MAP2K5: variants seen among roughly 807,000 people sequenced by gnomAD.
MAP2K5 encodes the protein dual specificity mitogen-activated protein kinase kinase 5.
A neutral mutation model predicts 83.1 loss-of-function variants in MAP2K5; 49 were observed. The observed-to-expected ratio is 0.59, with a 90% CI of 0.47 to 0.75. The LOEUF (loss-of-function observed/expected upper bound fraction) is 0.75. MAP2K5 is among the 30% of genes least tolerant of loss of function. The pLI is 0.00. For synonymous variants in MAP2K5, 202 were observed against 191.8 expected, an observed-to-expected ratio of 1.05 and a Z score of -0.44; for missense variants, 457 against 557.5, an observed-to-expected ratio of 0.82 and a Z score of 1.82.
Position 67,806,923 on chromosome 15 carries a change from C to T in MAP2K5, c.*173C>T, listed in dbSNP as rs766616007. On this transcript the variant is annotated 3_prime_UTR_variant, in exon 22 of 22. Transcript: ENST00000178640. ...TTGCCTGGGGAGCCCCATGTGTGGCCCACCCCACCAGGCCATCCCCATACC... is the reference window on the plus strand; with the variant it reads ...TTGCCTGGGGAGCCCCATGTGTGGCTCACCCCACCAGGCCATCCCCATACC... 1.9e-6 allele frequency: 3 copies of T among 1,587,062 alleles called. No individual in the cohort carries two copies. Among genetic ancestry groups the T allele is most frequent in the Admixed American group, 1.7e-5 (1 of 58,934 alleles).
In MAP2K5 at chr15:67,572,150, C is replaced by T. The variant is rs146061242; in HGVS notation, c.253-8604C>T. Among the ~76,000 whole-genome samples the T allele has an allele frequency of 2.6e-5, 4 of 152,034 alleles. No individual in the cohort carries two copies. The highest frequency in any genetic ancestry group is 2.0e-4 in the Admixed American group (3 of 15,260). ...GGTGGAGTAAGTTAGGACAAGGGGACTAGGAAGGATGTTTGGGGCAGAAAG... is the reference window on the plus strand; with the variant it reads ...GGTGGAGTAAGTTAGGACAAGGGGATTAGGAAGGATGTTTGGGGCAGAAAG... On this transcript the variant is annotated intron_variant, in intron 3 of 21. Coordinates refer to ENST00000178640, the MANE Select transcript of MAP2K5 (RefSeq NM_145160.3). This position sits in a 1 kb window ranked among gnomAD's most constrained non-coding sequence, Gnocchi z 4.2.
Position 67,774,708 on chromosome 15 carries a change from C to T in MAP2K5, c.1242+1956C>T, listed in dbSNP as rs1434982809. ...TTTGATGGTGCTCCCATCTGGAAGC[C>T]GAGAGACTCCTCTGGAATGCATGAA... On this transcript the variant is annotated intron_variant, in intron 21 of 21. Transcript: ENST00000178640. This position sits in a 1 kb window ranked among gnomAD's most constrained non-coding sequence, Gnocchi z 4.9. 6.6e-6 allele frequency among the ~76,000 whole-genome samples: 1 copy of T among 152,158 alleles called. No individual in the cohort carries two copies. Among genetic ancestry groups the T allele is most frequent in the Non-Finnish European group, 1.5e-5 (1 of 68,036 alleles).
intron 19 of MAP2K5, among the ~76,000 whole-genome samples, chr15:67,752,749 T>C (rs907732281): frequency 4.0e-5 from 6 of 151,884 alleles, no homozygotes; most frequent in Non-Finnish European, 2.9e-5. Context: ...AGGCTTAATA[T>C]TGTTACGATG....
intron 19 of MAP2K5, among the ~76,000 whole-genome samples, chr15:67,762,877 C>G (rs1306873510): frequency 6.6e-6 from 1 of 152,134 alleles, no homozygotes; most frequent in African/African-American, 2.4e-5. Context: ...AAAATTCAGG[C>G]CTTTACCCCG....
rs2090712225 is a variant in MAP2K5 at position 67,801,848 on chromosome 15, A to G, written c.1243-4798A>G. ...TGCAGCCACACCAGCAAGTTATTAA[A>G]TTATTCAAATGCATTATATTCTCTA... On this transcript the variant is annotated intron_variant, in intron 21 of 21. Transcript: ENST00000178640. This position sits in a 1 kb window ranked among gnomAD's most constrained non-coding sequence, Gnocchi z 4.8. Among the ~76,000 whole-genome samples the G allele has an allele frequency of 6.6e-6, 1 of 152,226 alleles. No homozygotes were observed. The highest frequency in any genetic ancestry group is 6.5e-5 in the Admixed American group (1 of 15,288).
At chr15:67,560,526 A>G (rs1795757097) in intron 2 of MAP2K5, among the ~76,000 whole-genome samples, 3 of 152,368 alleles carry the variant, frequency 2.0e-5, no homozygotes, top group South Asian at 2.1e-4. Flanking sequence ...CTTTATTAGA[A>G]TGCCTCTTTC....
Position 67,738,127 on chromosome 15 carries a change from C to G in MAP2K5, c.1075-10104C>G, listed in dbSNP as rs558231493. On this transcript the variant is annotated intron_variant, in intron 17 of 21. Transcript: ENST00000178640. The surrounding 1 kb of genome is among the most constrained non-coding windows in gnomAD (Gnocchi z 4.1). ...TCAGCCTCCCAGAGTACTGGGATTA[C>G]AGGCGTGAGCCACTGCACTTGGCCT... 6.6e-6 allele frequency among the ~76,000 whole-genome samples: 1 copy of G among 152,156 alleles called. No homozygotes were observed. Among genetic ancestry groups the G allele is most frequent in the Non-Finnish European group, 1.5e-5 (1 of 68,024 alleles).
In MAP2K5 at chr15:67,636,563, AT is replaced by A. The variant is rs527345652; in HGVS notation, c.585+5644del. Among the ~76,000 whole-genome samples the A allele has an allele frequency of 4.0e-5, 6 of 151,418 alleles. No homozygotes were observed. The South Asian group carries it at 6.3e-4, about 16-fold the overall frequency. ...TTTCACTTTTTTTTCATATCTTATA[AT>A]TTTTTTTAAGTGAAAAGCAAGTTTA... On this transcript the variant is annotated intron_variant, in intron 9 of 21. Transcript: ENST00000178640. The surrounding 1 kb of genome is among the most constrained non-coding windows in gnomAD (Gnocchi z 4.7).
rs1409538853 is a variant in MAP2K5, at chr15:67,778,847, C to G, written c.1242+6095C>G. On this transcript the variant is annotated intron_variant, in intron 21 of 21. Transcript: ENST00000178640. This position sits in a 1 kb window ranked among gnomAD's most constrained non-coding sequence, Gnocchi z 5.0. Reference sequence around the variant, plus strand: ...TGAAGAAAGGTGCATTTCCATAGCCCCCTTAGAGAGTGCTCATCCACCCTG... The same window carrying G: ...TGAAGAAAGGTGCATTTCCATAGCCGCCTTAGAGAGTGCTCATCCACCCTG... 5.3e-5 allele frequency among the ~76,000 whole-genome samples: 8 copies of G among 152,088 alleles called. No homozygotes were observed. Among genetic ancestry groups the G allele is most frequent in the Admixed American group, 5.2e-4 (8 of 15,270 alleles).
chr15:67,730,348 A>T (rs2089193427), intron 17 of MAP2K5, among the ~76,000 whole-genome samples: 1 of 152,214 alleles, frequency 6.6e-6, no homozygotes, highest in South Asian at 2.1e-4. Context: ...CCACTCTGTG[A>T]AATAGCCTCC....
At chr15:67,803,414 T>G (rs2090741688) in intron 21 of MAP2K5, among the ~76,000 whole-genome samples, 1 of 152,190 alleles carries the variant, frequency 6.6e-6, no homozygotes, top group African/African-American at 2.4e-5. Flanking sequence ...GTTTGCTTGC[T>G]AAACTCATGA....
At chr15:67,666,366 A>G (rs566930768) in intron 13 of MAP2K5, among the ~76,000 whole-genome samples, 4 of 152,340 alleles carry the variant, frequency 2.6e-5, no homozygotes, top group South Asian at 4.1e-4. Flanking sequence ...GTATTCCTGT[A>G]TCTAAATTTT....
chr15:67,608,747 C>T (rs1023512958), intron 8 of MAP2K5, among the ~76,000 whole-genome samples: 2 of 152,064 alleles, frequency 1.3e-5, no homozygotes, highest in Admixed American at 6.6e-5. Context: ...GCTTTGTGTT[C>T]TTCTGAATAC....
In MAP2K5 at chr15:67,573,354, G is replaced by A. The variant is rs1294895269; in HGVS notation, c.253-7400G>A. On this transcript the variant is annotated intron_variant, in intron 3 of 21. Transcript: ENST00000178640. This position sits in a 1 kb window ranked among gnomAD's most constrained non-coding sequence, Gnocchi z 4.2. ...TATAATCATGGCAGAAGACAAAGGG[G>A]AAGCAAGTACTTTCTTCACAGGGTG... Among the ~76,000 whole-genome samples, 2 of 152,176 alleles carry A rather than the reference G, an allele frequency of 1.3e-5. No individual in the cohort carries two copies. The highest frequency in any genetic ancestry group is 4.8e-5 in the African/African-American group (2 of 41,426).
At position 67,717,416 on chromosome 15, in the gene MAP2K5, G is replaced by A. The variant is rs1300699087; in HGVS notation, c.1045-10500G>A. On this transcript the variant is annotated intron_variant, in intron 16 of 21. Coordinates refer to ENST00000178640, the MANE Select transcript of MAP2K5 (RefSeq NM_145160.3). The surrounding 1 kb of genome is among the most constrained non-coding windows in gnomAD (Gnocchi z 4.1). ...AAGTACTACCCAGTGTTGGCAGTAA[G>A]GGTACATACTTTGCCCTCAGTGACT... Among the ~76,000 whole-genome samples the A allele has an allele frequency of 6.6e-6, 1 of 152,170 alleles. No individual in the cohort carries two copies. Among genetic ancestry groups the A allele is most frequent in the African/African-American group, 2.4e-5 (1 of 41,428 alleles).
intron 8 of MAP2K5, among the ~76,000 whole-genome samples, chr15:67,606,658 CT>C (rs1247220693): frequency 6.6e-6 from 1 of 152,000 alleles, no homozygotes; most frequent in African/African-American, 2.4e-5. Context: ...GTGTTTTGCA[CT>C]TGTGATTTGA....
chr15:67,639,371 A>G (rs545723625), intron 9 of MAP2K5, among the ~76,000 whole-genome samples: 27 of 152,372 alleles, frequency 1.8e-4, no homozygotes, highest in African/African-American at 5.5e-4. Flanking sequence ...ATACAATGCT[A>G]AGCATTTTGC....
intron 7 of MAP2K5, among the ~76,000 whole-genome samples, chr15:67,598,051 A>G (rs1474216984): frequency 6.6e-6 from 1 of 151,880 alleles, no homozygotes; most frequent in African/African-American, 2.4e-5. Context: ...CTAAAAGTAC[A>G]AAAATTAGCC....
intron 13 of MAP2K5, among the ~76,000 whole-genome samples, chr15:67,684,485 A>T (rs1307877536): frequency 1.3e-5 from 2 of 152,214 alleles, no homozygotes; most frequent in African/African-American, 4.8e-5. Flanking sequence ...ATCAAGTCCA[A>T]CACTCTGGAT....
Sources: allele counts gnomAD v4.1 joint callset (sites outside exome capture counted in the v4.1 genomes callset), GRCh38; gene constraint gnomAD v4.1.1; non-coding constraint Gnocchi (gnomAD v3.1); transcripts MANE v1.5; gene names NCBI Gene and HGNC (gene_info 2026-07-23, HGNC 2026-07-21).